TNIP1: variants seen among roughly 807,000 people sequenced by gnomAD.
TNIP1 encodes the protein TNFAIP3-interacting protein 1.
In TNIP1, 22 loss-of-function variants were observed where a neutral mutation model predicts 86.6. The ratio of observed to expected loss-of-function variants is 0.25; its 90% CI spans 0.18 to 0.36. The LOEUF (loss-of-function observed/expected upper bound fraction) is 0.36, where lower values mean the gene tolerates loss of function less well. Among genes scored for constraint, TNIP1 ranks in the 10% least tolerant of loss-of-function variants. The probability of loss-of-function intolerance (pLI) is 1.00; values close to 1 mark genes in which losing one functional copy is unlikely to be tolerated. For synonymous variants in TNIP1, 294 were observed against 313.0 expected (o/e 0.94, Z 0.64); for missense variants, 709 against 820.6 (o/e 0.86, Z 1.66).
chr5:151,041,689 T>G (rs1376927859), intron 11 of TNIP1, among the ~76,000 whole-genome samples: 1 of 152,190 alleles, frequency 6.6e-6, no homozygotes, highest in Non-Finnish European at 1.5e-5. Flanking sequence ...CTTAACACAC[T>G]TTTACTTTAT....
upstream of TNIP1, among the ~76,000 whole-genome samples, chr5:151,082,931 CT>C (rs1162504434): frequency 2.0e-5 from 3 of 152,310 alleles, no homozygotes; most frequent in South Asian, 6.2e-4. Context: ...TAACAAACCC[CT>C]ATTTGACAGA....
At chr5:151,074,317 G>A (rs1581920294) in intron 1 of TNIP1, among the ~76,000 whole-genome samples, 2 of 152,162 alleles carry the variant, frequency 1.3e-5, no homozygotes, top group African/African-American at 2.4e-5. Flanking sequence ...AGAGACAGAC[G>A]CAGGAGGATG....
intron 12 of TNIP1, 114 bp downstream of exon 12, chr5:151,038,983 A>G: frequency 1.4e-6 from 2 of 1,399,182 alleles, no homozygotes; most frequent in Non-Finnish European, 1.9e-6. Context: ...ATGCCAGCTC[A>G]CTGACTGGGG....
chr5:151,048,228 T>C (rs1338947786), intron 8 of TNIP1, among the ~76,000 whole-genome samples: 1 of 152,176 alleles, frequency 6.6e-6, no homozygotes, highest in Non-Finnish European at 1.5e-5. Flanking sequence ...TGGTGCACCC[T>C]GAACCTCCGC....
chr5:151,078,518 T>C (rs1451926679), intron 1 of TNIP1: 1 of 152,226 alleles, frequency 6.6e-6, no homozygotes, highest in Non-Finnish European at 1.5e-5. Flanking sequence ...TCTATACATA[T>C]GCTTTCTCAT....
chr5:151,068,612 A>G (rs1028999473), intron 1 of TNIP1, among the ~76,000 whole-genome samples: 1 of 152,146 alleles, frequency 6.6e-6, no homozygotes, highest in Non-Finnish European at 1.5e-5. Flanking sequence ...CTCGGGCATG[A>G]GCTCATCTGA....
At chr5:151,049,768 C>T in intron 8 of TNIP1, 56 bp downstream of exon 8, 2 of 1,604,228 alleles carry the variant, frequency 1.2e-6, no homozygotes, top group Non-Finnish European at 1.7e-6. Flanking sequence ...AGGTGGTAAG[C>T]AGAGGCTGAG....
chr5:151,078,773 C>G lies in TNIP1; in HGVS notation c.-37+2107G>C, dbSNP rs914778242. ...TAAGGATGAGAACAAGCTTGGCTTGCTGGAGGGGGAAAAGCAGGCCAGCAT... is the reference window on the plus strand; with the variant it reads ...TAAGGATGAGAACAAGCTTGGCTTGGTGGAGGGGGAAAAGCAGGCCAGCAT... On this transcript the variant is annotated intron_variant, in intron 1 of 17. Coordinates refer to ENST00000521591, the MANE Select transcript of TNIP1 (RefSeq NM_006058.5). 3.9e-5 allele frequency among the ~76,000 whole-genome samples: 6 copies of G among 152,190 alleles called. No homozygotes were observed. In the East Asian group the frequency reaches 5.8e-4, roughly 15 times the overall value.
chr5:151,084,261 A>G (rs1764189118), upstream of TNIP1, among the ~76,000 whole-genome samples: 1 of 152,186 alleles, frequency 6.6e-6, no homozygotes, highest in African/African-American at 2.4e-5. Flanking sequence ...CCTGGCCAAC[A>G]TGGTGAAACC....
At position 151,086,435 on chromosome 5, in the gene TNIP1, C is replaced by A. The variant is rs560920797; in HGVS notation, c.-37+650G>T. Among the ~76,000 whole-genome samples the A allele has an allele frequency of 5.9e-5, 9 of 152,234 alleles. No individual in the cohort carries two copies. In the East Asian group the frequency reaches 1.7e-3, roughly 29 times the overall value. ...AGCAGGCAGGAGAGAAGCAAGAGAT[C>A]CTTTTGCTCCAGTGTTAAGGAGGGT... On this transcript the variant is annotated intron_variant, in intron 1 of 17. Coordinates refer to the TNIP1 transcript ENST00000315050.
intron 1 of TNIP1, among the ~76,000 whole-genome samples, chr5:151,070,550 T>G (rs556453398): frequency 5.3e-5 from 8 of 152,298 alleles, no homozygotes; most frequent in Non-Finnish European, 8.8e-5. Context: ...CTAGTGAACA[T>G]GTAGCTATAA....
At chr5:151,062,268 C>T (rs1761673023) in intron 3 of TNIP1, 56 bp from the exon 4 acceptor site, 2 of 1,524,182 alleles carry the variant, frequency 1.3e-6, no homozygotes, top group Non-Finnish European at 1.8e-6. Flanking sequence ...AGCCCAGGTA[C>T]CACCCTCTCA....
intron 5 of TNIP1, among the ~76,000 whole-genome samples, chr5:151,059,828 A>AGAGAGAGAGAGTGTGT (rs1554076446): frequency 1.6e-4 from 9 of 56,382 alleles, no homozygotes; most frequent in Admixed American, 4.2e-4. Context: ...AGAGAGAGAG[A>AGAGAGAGAGAGTGTGT]GTGTGTGTGT....
chr5:151,044,505 T>A (rs562550843), intron 9 of TNIP1, among the ~76,000 whole-genome samples: 1 of 152,272 alleles, frequency 6.6e-6, no homozygotes, highest in African/African-American at 2.4e-5. Context: ...GGAGGTGGTA[T>A]TCTTGATCTT....
At chr5:151,052,722 T>A (rs1360008955) in intron 6 of TNIP1, among the ~76,000 whole-genome samples, 1 of 152,228 alleles carries the variant, frequency 6.6e-6, no homozygotes, top group Non-Finnish European at 1.5e-5. Flanking sequence ...TCAGCACCTG[T>A]GGCAGATAAA....
chr5:151,047,146 A>C (rs527703072), intron 8 of TNIP1, among the ~76,000 whole-genome samples: 13 of 152,336 alleles, frequency 8.5e-5, no homozygotes, highest in Admixed American at 2.0e-4. Context: ...TGGCCAAGTG[A>C]TGAAGGTTAA....
chr5:151,040,632 G>A (rs936028042), intron 11 of TNIP1, among the ~76,000 whole-genome samples: 2 of 152,146 alleles, frequency 1.3e-5, no homozygotes, highest in African/African-American at 4.8e-5. Context: ...CAGGATGTCT[G>A]GCTGCGAGTC....
At chr5:151,052,440 C>A (rs543353804) in intron 6 of TNIP1, among the ~76,000 whole-genome samples, 181 bp from the exon 7 acceptor site, 42 of 152,352 alleles carry the variant, frequency 2.8e-4, no homozygotes, top group African/African-American at 9.6e-4. Flanking sequence ...CGTGTCCTCT[C>A]CCTTGGGAGC....
upstream of TNIP1, among the ~76,000 whole-genome samples, chr5:151,082,268 G>A (rs1333309935): frequency 1.3e-5 from 2 of 152,140 alleles, no homozygotes; most frequent in Non-Finnish European, 1.5e-5. Flanking sequence ...GGTGTTATCA[G>A]ATCTTCAAAA....
Sources: allele counts gnomAD v4.1 joint callset (sites outside exome capture counted in the v4.1 genomes callset), GRCh38; gene constraint gnomAD v4.1.1; transcripts MANE v1.5; gene names NCBI Gene and HGNC (gene_info 2026-07-23, HGNC 2026-07-21).